ATXN2: variants seen among roughly 807,000 people sequenced by gnomAD.
ATXN2 encodes the protein ataxin-2.
A neutral mutation model predicts 138.6 loss-of-function variants in ATXN2; 37 were observed. The observed-to-expected ratio is 0.27, with a 90% CI of 0.21 to 0.35. The LOEUF is 0.35. Among genes scored for constraint, ATXN2 ranks in the 10% least tolerant of loss-of-function variants. The pLI is 1.00. For synonymous variants in ATXN2, 549 were observed against 543.7 expected, an observed-to-expected ratio of 1.01 and a Z score of -0.13; for missense variants, 1,216 against 1,480.3, an observed-to-expected ratio of 0.82 and a Z score of 2.93.
intron 1 of ATXN2, among the ~76,000 whole-genome samples, chr12:111,582,146 T>G (rs1884040831): frequency 6.6e-6 from 1 of 152,044 alleles, no homozygotes; most frequent in Non-Finnish European, 1.5e-5. Context: ...CCAGCCCGGG[T>G]AACAGTGAGA....
chr12:111,493,379 C>G (rs1878170959), intron 14 of ATXN2, among the ~76,000 whole-genome samples: 1 of 141,244 alleles, frequency 7.1e-6, no homozygotes, highest in Admixed American at 7.3e-5. Context: ...AAGATGGCAC[C>G]ACTGCACTCC....
chr12:111,598,427 C>G lies in ATXN2; in HGVS notation c.251+357G>C. On this transcript the variant is annotated intron_variant, in intron 1 of 24. Transcript: ENST00000673436. The surrounding 1 kb of genome is among the most constrained non-coding windows in gnomAD (Gnocchi z 4.5). The stretch of plus-strand genomic sequence containing the variant: ...GAGTGGAGGAGCTGCCCGAGCATCC[C>G]CACGCTGCGGGCGGAGGATCGTGCG... 1 of 985,686 alleles carries G rather than the reference C, an allele frequency of 1.0e-6. No homozygotes were observed. The highest frequency in any genetic ancestry group is 4.7e-5 in the South Asian group (1 of 21,302). 61.1% of individuals were successfully genotyped at this position (985,686 alleles called of 1,614,324 possible). A position where few individuals can be genotyped will look rare whatever the true frequency, so the allele number is the denominator to read the frequency against.
chr12:111,456,226 G>A lies in ATXN2; in HGVS notation c.3073C>T (p.His1025Tyr), dbSNP rs952638869. ...HHQHQAAQAL[H>Y]LASPQQQSAI... ...GACTGCTGCTGTGGACTGGCCAGATGGAGAGCCTGGGCGGCCTGGTGCTGA... is the reference window on the plus strand; with the variant it reads ...GACTGCTGCTGTGGACTGGCCAGATAGAGAGCCTGGGCGGCCTGGTGCTGA... Residue 1025 changes from histidine (H) to tyrosine (Y), a missense_variant, in exon 23 of 25, where the codon CAT (histidine) becomes TAT (tyrosine). Transcript: ENST00000673436. 1.9e-6 allele frequency: 3 copies of A among 1,614,244 alleles called. No homozygotes were observed. The highest frequency in any genetic ancestry group is 2.5e-6 in the Non-Finnish European group (3 of 1,180,046).
intron 5 of ATXN2, among the ~76,000 whole-genome samples, chr12:111,528,644 C>T (rs1170449838): frequency 6.6e-6 from 1 of 152,092 alleles, no homozygotes; most frequent in Non-Finnish European, 1.5e-5. Context: ...AAGGGGAAAA[C>T]ACAGAAGTGT....
At chr12:111,588,948 T>C (rs553884758) in intron 1 of ATXN2, among the ~76,000 whole-genome samples, 63 of 125,488 alleles carry the variant, frequency 5.0e-4, no homozygotes, top group Admixed American at 1.1e-3. Flanking sequence ...TGAGCTGAGA[T>C]TGTGTCACCG....
At chr12:111,526,249 G>A (rs1880492015) in intron 5 of ATXN2, among the ~76,000 whole-genome samples, 1 of 151,268 alleles carries the variant, frequency 6.6e-6, no homozygotes, top group Non-Finnish European at 1.5e-5. Flanking sequence ...CCAGCTACTC[G>A]GGAGGCTGAG....
intron 1 of ATXN2, among the ~76,000 whole-genome samples, chr12:111,594,070 T>G (rs944611170): frequency 2.0e-5 from 3 of 152,226 alleles, no homozygotes; most frequent in Admixed American, 6.6e-5. Context: ...TTTCTTCTAA[T>G]TCCATAGCTC....
Position 111,599,237 on chromosome 12 carries a change from C to G in ATXN2, c.-203G>C. 1 of 1,196,156 alleles carries G rather than the reference C, an allele frequency of 8.4e-7. No individual in the cohort carries two copies. 74.1% of individuals were successfully genotyped at this position (1,196,156 alleles called of 1,614,324 possible). On this transcript the variant is annotated 5_prime_UTR_variant, in exon 1 of 25. Transcript: ENST00000673436. ...GGGAGGCCCGCCGAGACCAAGGAGC[C>G]GCCGGGAGCCGGGCCGAAACGCGCC...
At position 111,598,969 on chromosome 12, in the gene ATXN2, C is replaced by CTGCTGT. The variant is rs776112405; in HGVS notation, c.65_66insACAGCA (p.Gln27_Gln28dup). 818 of 1,500,626 alleles carry CTGCTGT rather than the reference C, an allele frequency of 5.5e-4. 2 individuals are homozygous for CTGCTGT. The highest frequency in any genetic ancestry group is 5.3e-3 in the African/African-American group (357 of 67,906). The allele number at this position is 1,500,626 out of a possible 1,614,324, so 93.0% of individuals were successfully genotyped here. On this transcript the variant is annotated inframe_insertion, in exon 1 of 25. Transcript: ENST00000673436. The surrounding 1 kb of genome is among the most constrained non-coding windows in gnomAD (Gnocchi z 4.5). ...GCGGCGGCTGCTGCTGCTGCTGCTGCTGCTGCTGTTGCTGCTGCTGCTGCT... is the reference window on the plus strand; with the variant it reads ...GCGGCGGCTGCTGCTGCTGCTGCTGCTGCTGTTGCTGCTGTTGCTGCTGCTGCTGCT...
At chr12:111,548,646 A>G (rs1245603885) in intron 5 of ATXN2, among the ~76,000 whole-genome samples, 1 of 152,224 alleles carries the variant, frequency 6.6e-6, no homozygotes, top group Non-Finnish European at 1.5e-5. Flanking sequence ...TCCATTCAAG[A>G]TGTGGAAAAG....
intron 1 of ATXN2, 111 bp from the exon 2 acceptor site, chr12:111,556,030 G>A: frequency 1.1e-6 from 1 of 875,828 alleles, no homozygotes; most frequent in Non-Finnish European, 1.7e-6. Flanking sequence ...CTATCTGTGG[G>A]GAGAGCTCAC....
In ATXN2 at chr12:111,552,879, A is replaced by C; in HGVS notation, c.420+27T>G. 6.9e-7 allele frequency: 1 copy of C among 1,445,764 alleles called. No homozygotes were observed. The highest frequency in any genetic ancestry group is 9.4e-7 in the Non-Finnish European group (1 of 1,064,522). 89.6% of individuals were successfully genotyped at this position (1,445,764 alleles called of 1,614,324 possible). On this transcript the variant is annotated intron_variant, in intron 4 of 24. Coordinates refer to ENST00000673436, the MANE Select transcript of ATXN2 (RefSeq NM_001372574.1). This position sits in a 1 kb window ranked among gnomAD's most constrained non-coding sequence, Gnocchi z 4.1. ...CTATGAAAATGTTCTTTTACTTTGT[A>C]AGAAAAAGAAAAAAAGTAAAAATTA...
chr12:111,552,380 C>T lies in ATXN2; in HGVS notation c.471G>A (p.Ser157=). The change falls in exon 5 of 25, where the codon TCG becomes TCA. Residue 157 remains serine (S), a synonymous_variant. Coordinates refer to ENST00000673436, the MANE Select transcript of ATXN2 (RefSeq NM_001372574.1). This position sits in a 1 kb window ranked among gnomAD's most constrained non-coding sequence, Gnocchi z 4.1. ...CCATTATTTCTTCACGTTTCGGCCC[C>T]GAACTGGATTCTGTACTTTTCTCAT... ...AAHEKSTESS[S]GPKREEIMES... The T allele has an allele frequency of 3.1e-6, 5 of 1,613,788 alleles. No individual in the cohort carries two copies. The highest frequency in any genetic ancestry group is 1.7e-6 in the Non-Finnish European group (2 of 1,179,900).
At chr12:111,575,466 C>A (rs1883586464) in intron 1 of ATXN2, among the ~76,000 whole-genome samples, 5 of 152,042 alleles carry the variant, frequency 3.3e-5, no homozygotes, top group Admixed American at 2.0e-4. Flanking sequence ...ACAGACATGA[C>A]CCAGGCCCAT....
chr12:111,552,827 G>C lies in ATXN2; in HGVS notation c.420+79C>G. On this transcript the variant is annotated intron_variant, in intron 4 of 24. Transcript: ENST00000673436. This position sits in a 1 kb window ranked among gnomAD's most constrained non-coding sequence, Gnocchi z 4.1. ...ACTGAGAAGTAAAATCATTCAAAGT[G>C]GCTTTAAAAACTAGGTAAAACACTG... The C allele has an allele frequency of 2.2e-6, 2 of 930,042 alleles. No individual in the cohort carries two copies. Among genetic ancestry groups the C allele is most frequent in the African/African-American group, 3.5e-5 (2 of 57,366 alleles). 57.6% of individuals were successfully genotyped at this position (930,042 alleles called of 1,614,324 possible). A position where few individuals can be genotyped will look rare whatever the true frequency, so the allele number is the denominator to read the frequency against.
At chr12:111,583,802 G>A (rs1056809446) in intron 1 of ATXN2, among the ~76,000 whole-genome samples, 41 of 141,696 alleles carry the variant, frequency 2.9e-4, no homozygotes, top group Non-Finnish European at 4.9e-4. Flanking sequence ...AGTGAACCAT[G>A]ATTCCAGCTT....
chr12:111,589,881 T>C (rs923253165), intron 1 of ATXN2, among the ~76,000 whole-genome samples: 3 of 151,552 alleles, frequency 2.0e-5, no homozygotes, highest in Admixed American at 2.0e-4. Context: ...ATGGCACCAC[T>C]GCACTCCCGC....
chr12:111,567,919 A>G (rs909297159), intron 1 of ATXN2, among the ~76,000 whole-genome samples: 3 of 152,166 alleles, frequency 2.0e-5, no homozygotes, highest in African/African-American at 7.2e-5. Context: ...TGATAACTGA[A>G]AAACATTAAA....
chr12:111,548,185 C>CT (rs1307811931), intron 5 of ATXN2, among the ~76,000 whole-genome samples: 1 of 152,104 alleles, frequency 6.6e-6, no homozygotes, highest in East Asian at 1.9e-4. Context: ...GAGCAAGACT[C>CT]TGTCTCAAAA....
Sources: gnomAD v4.1 joint callset for allele counts (sites outside exome capture counted in the v4.1 genomes callset) on GRCh38, gnomAD v4.1.1 for gene constraint, Gnocchi (gnomAD v3.1) non-coding constraint, MANE v1.5 for transcripts, NCBI Gene and HGNC (gene_info 2026-07-23, HGNC 2026-07-21) for gene names.